Variants in COA1 observed in about 807,000 individuals in gnomAD.
COA1 encodes cytochrome c oxidase assembly factor 1.
A neutral mutation model predicts 16.0 loss-of-function variants in COA1; 13 were observed. That is an observed-to-expected ratio of 0.81 (90% CI 0.53 to 1.29). The LOEUF is 1.29. Ranked by LOEUF, COA1 falls within the 50% of genes most tolerant of loss-of-function variation. The pLI is 0.00. For synonymous variants in COA1, 65 were observed against 65.7 expected (o/e 0.99, Z 0.05); for missense variants, 179 against 177.0 (o/e 1.01, Z -0.06).
intron 6 of COA1, among the ~76,000 whole-genome samples, chr7:43,610,624 G>A (rs1469152619): frequency 2.0e-5 from 3 of 152,052 alleles, no homozygotes; most frequent in Non-Finnish European, 4.4e-5. Context: ...CTGAGATCAC[G>A]CCATTGCACT....
At chr7:43,648,523 G>C in intron 2 of COA1, 77 bp downstream of exon 2, 3 of 1,468,988 alleles carry the variant, frequency 2.0e-6, no homozygotes, top group Non-Finnish European at 2.9e-6. Flanking sequence ...TTCAGGGAGT[G>C]ACTTTCTTCT....
intron 6 of COA1, among the ~76,000 whole-genome samples, chr7:43,610,061 C>A (rs1299543498): frequency 5.9e-5 from 9 of 152,202 alleles, no homozygotes; most frequent in Admixed American, 3.9e-4. Context: ...TGCTATATGG[C>A]CAGGGCCGGG....
In COA1 at chr7:43,647,630, G is replaced by A; in HGVS notation, c.20C>T (p.Ala7Val). Residue 7 changes from alanine to valine, a missense_variant, in exon 3 of 6, where the codon GCA becomes GTA. Ala to Val is a moderately conservative substitution (Grantham distance 64). Transcript: ENST00000223336. ...CAGAGGCATTGACCGCCTGCTTCCT[G>A]CATACTTAAAAACAAAAGATACAAA... MMWQKY[A>V]GSRRSMPLGA... 6.2e-7 allele frequency: 1 copy of A among 1,609,192 alleles called. No individual in the cohort carries two copies.
chr7:43,666,412 G>A (rs1036866948), intron 1 of COA1, among the ~76,000 whole-genome samples: 3 of 152,180 alleles, frequency 2.0e-5, no homozygotes, highest in African/African-American at 7.2e-5. Context: ...CCACCCTAAA[G>A]CCAGTAACCC....
At chr7:43,728,618 G>C (rs141777816) in intron 1 of COA1, among the ~76,000 whole-genome samples, 7 of 152,272 alleles carry the variant, frequency 4.6e-5, no homozygotes, top group South Asian at 2.1e-4. Context: ...TTGAAGTTAG[G>C]CTAAGAAATG....
intron 1 of COA1, among the ~76,000 whole-genome samples, chr7:43,653,282 A>G (rs1198104061): frequency 6.6e-6 from 1 of 152,022 alleles, no homozygotes; most frequent in African/African-American, 2.4e-5. Flanking sequence ...ACTGCACTCC[A>G]GCCTGGGCGA....
intron 1 of COA1, among the ~76,000 whole-genome samples, chr7:43,675,422 G>A (rs1378745870): frequency 6.6e-6 from 1 of 151,962 alleles, no homozygotes; most frequent in African/African-American, 2.4e-5. Context: ...CACACAGGAA[G>A]GGGAACATCA....
chr7:43,668,763 GTTTC>G (rs2093053309), intron 1 of COA1, among the ~76,000 whole-genome samples: 1 of 152,100 alleles, frequency 6.6e-6, no homozygotes, highest in African/African-American at 2.4e-5. Context: ...TAACCCTGAG[GTTTC>G]TTTGTTTGGG....
intron 6 of COA1, among the ~76,000 whole-genome samples, chr7:43,618,095 G>A (rs536199170): frequency 1.6e-4 from 25 of 152,298 alleles, no homozygotes; most frequent in African/African-American, 5.8e-4. Flanking sequence ...GAAAGGAAAT[G>A]TGAACATTCA....
intron 1 of COA1, among the ~76,000 whole-genome samples, chr7:43,653,983 CAG>C (rs2091312441): frequency 6.6e-6 from 1 of 152,048 alleles, no homozygotes; most frequent in African/African-American, 2.4e-5. Context: ...CAAGAAAAGA[CAG>C]AAAGTAGGGC....
intron 1 of COA1, among the ~76,000 whole-genome samples, chr7:43,711,172 T>C (rs894266230): frequency 2.6e-5 from 4 of 152,058 alleles, no homozygotes; most frequent in African/African-American, 9.7e-5. Flanking sequence ...AATGAGGGTA[T>C]TAAAGGCTCA....
At chr7:43,684,807 T>C (rs1225310990) in intron 1 of COA1, among the ~76,000 whole-genome samples, 1 of 152,184 alleles carries the variant, frequency 6.6e-6, no homozygotes, top group South Asian at 2.1e-4. Context: ...CTGACACTTT[T>C]GGGGTAGCCT....
intron 6 of COA1, among the ~76,000 whole-genome samples, chr7:43,619,234 C>T (rs1297367525): frequency 1.3e-5 from 2 of 152,180 alleles, no homozygotes; most frequent in Non-Finnish European, 2.9e-5. Context: ...ACTGAGAAAA[C>T]AATACCAATT....
At chr7:43,718,477 T>C (rs1451974877) in intron 1 of COA1, among the ~76,000 whole-genome samples, 3 of 152,236 alleles carry the variant, frequency 2.0e-5, no homozygotes, top group African/African-American at 7.2e-5. Flanking sequence ...GATTCTGTTT[T>C]CCCAATTTGG....
chr7:43,725,697 T>C (rs1271002449), intron 1 of COA1, among the ~76,000 whole-genome samples: 2 of 151,648 alleles, frequency 1.3e-5, no homozygotes, highest in African/African-American at 2.4e-5. Context: ...GTCTCTACTA[T>C]AAAACAAAAA....
At chr7:43,623,763 C>A (rs201962865) in intron 6 of COA1, 4 of 1,607,124 alleles carry the variant, frequency 2.5e-6, no homozygotes, top group Non-Finnish European at 3.4e-6. Flanking sequence ...CTTTCTTAGG[C>A]AATGATAAAC....
chr7:43,669,885 G>C (rs2093149413), intron 1 of COA1, among the ~76,000 whole-genome samples: 1 of 152,076 alleles, frequency 6.6e-6, no homozygotes, highest in South Asian at 2.1e-4. Flanking sequence ...AAACAGATGA[G>C]AGAGGTGCTC....
chr7:43,660,563 G>T (rs1263566728), intron 1 of COA1, among the ~76,000 whole-genome samples: 2 of 152,112 alleles, frequency 1.3e-5, no homozygotes, highest in Non-Finnish European at 2.9e-5. Flanking sequence ...CTGAGATTTG[G>T]GTTAATTGTG....
chr7:43,704,428 C>T (rs1196557329), intron 1 of COA1, among the ~76,000 whole-genome samples: 1 of 152,158 alleles, frequency 6.6e-6, no homozygotes, highest in Non-Finnish European at 1.5e-5. Flanking sequence ...TCACTGCTCT[C>T]CCCCCATCTC....
Sources: allele counts gnomAD v4.1 joint callset (sites outside exome capture counted in the v4.1 genomes callset), GRCh38; gene constraint gnomAD v4.1.1; transcripts MANE v1.5; gene names NCBI Gene and HGNC (gene_info 2026-07-23, HGNC 2026-07-21).